GPC6: variants seen among roughly 807,000 people sequenced by gnomAD.
The protein encoded by GPC6 is glypican-6.
In GPC6, 14 loss-of-function variants were observed where a neutral mutation model predicts 55.2. The ratio of observed to expected loss-of-function variants is 0.25; its 90% CI spans 0.17 to 0.40. GPC6 has a LOEUF of 0.40. Ranked by LOEUF, GPC6 falls within the 10% of genes least tolerant of loss-of-function variation. The pLI is 1.00. For missense variants in GPC6, 641 were observed against 708.5 expected (o/e 0.90, Z 1.08); for synonymous variants, 278 against 259.6 (o/e 1.07, Z -0.68).
intron 3 of GPC6, among the ~76,000 whole-genome samples, chr13:93,949,405 T>C (rs1318628310): frequency 6.6e-6 from 1 of 152,188 alleles, no homozygotes; most frequent in Non-Finnish European, 1.5e-5. Context: ...TAATTATGGT[T>C]GATAGTCCAA....
At chr13:93,959,309 T>C (rs1011357159) in intron 3 of GPC6, among the ~76,000 whole-genome samples, 2 of 151,966 alleles carry the variant, frequency 1.3e-5, no homozygotes, top group African/African-American at 4.8e-5. Flanking sequence ...ATTACAGGCA[T>C]GCGCCACCAC....
At chr13:93,432,041 G>A (rs1263350950) in intron 1 of GPC6, among the ~76,000 whole-genome samples, 5 of 152,024 alleles carry the variant, frequency 3.3e-5, no homozygotes, top group Admixed American at 1.3e-4. Context: ...ATCTACATAC[G>A]TCACCAGATG....
chr13:93,644,867 C>T (rs1358133667), intron 2 of GPC6, among the ~76,000 whole-genome samples: 1 of 152,020 alleles, frequency 6.6e-6, no homozygotes, highest in African/African-American at 2.4e-5. Flanking sequence ...ATTAAGGAGT[C>T]TGGTGCAAAA....
chr13:94,393,258 GT>G (rs1379594504), intron 7 of GPC6, among the ~76,000 whole-genome samples: 1 of 152,088 alleles, frequency 6.6e-6, no homozygotes, highest in East Asian at 1.9e-4. Context: ...GGGGTCTGGG[GT>G]TGCAATCCAC....
At chr13:93,608,655 A>G (rs760367611) in intron 2 of GPC6, among the ~76,000 whole-genome samples, 9 of 152,176 alleles carry the variant, frequency 5.9e-5, no homozygotes, top group Non-Finnish European at 8.8e-5. Flanking sequence ...TTTTAAATAA[A>G]TAGTCCTAGA....
intron 1 of GPC6, among the ~76,000 whole-genome samples, chr13:93,410,698 A>C (rs1294370500): frequency 6.6e-6 from 1 of 152,210 alleles, no homozygotes; most frequent in Non-Finnish European, 1.5e-5. Flanking sequence ...ATGTGAAAGA[A>C]GAAGAAAAAT....
chr13:93,290,199 G>A (rs1461354194), intron 1 of GPC6, among the ~76,000 whole-genome samples: 4 of 152,130 alleles, frequency 2.6e-5, no homozygotes. Flanking sequence ...AATAAAGAAT[G>A]TTTGCCTGTG....
At chr13:94,242,521 T>A (rs1223803140) in intron 4 of GPC6, among the ~76,000 whole-genome samples, 1 of 152,058 alleles carries the variant, frequency 6.6e-6, no homozygotes, top group Non-Finnish European at 1.5e-5. Flanking sequence ...TAGACTGGAT[T>A]AAGAAAATGT....
chr13:94,254,146 T>G (rs1342921116), intron 4 of GPC6, among the ~76,000 whole-genome samples: 1 of 152,112 alleles, frequency 6.6e-6, no homozygotes, highest in Non-Finnish European at 1.5e-5. Flanking sequence ...GATTATAAAA[T>G]GTATCGAGTC....
At chr13:93,488,766 T>C (rs1233734135) in intron 1 of GPC6, among the ~76,000 whole-genome samples, 2 of 152,224 alleles carry the variant, frequency 1.3e-5, no homozygotes, top group African/African-American at 4.8e-5. Context: ...CATAAATATC[T>C]TCTTTTGAGA....
In GPC6 at chr13:94,405,690, C is replaced by T. The variant is rs988170324; in HGVS notation, c.*2473C>T. On this transcript the variant is annotated 3_prime_UTR_variant, in exon 9 of 9. Transcript: ENST00000377047. ...ATATAAACGCCTGCTTCATTTGTTTCAACACCTTCATTATCAATATGATTC... is the reference window on the plus strand; with the variant it reads ...ATATAAACGCCTGCTTCATTTGTTTTAACACCTTCATTATCAATATGATTC... The T allele has an allele frequency of 6.6e-6, 1 of 152,124 alleles. No homozygotes were observed. Among genetic ancestry groups the T allele is most frequent in the Admixed American group, 6.5e-5 (1 of 15,278 alleles). The allele number at this position is 152,124 out of a possible 1,614,324, so 9.4% of individuals were successfully genotyped here. A position where few individuals can be genotyped will look rare whatever the true frequency, so the allele number is the denominator to read the frequency against.
intron 3 of GPC6, among the ~76,000 whole-genome samples, chr13:93,902,538 C>T (rs2140328342): frequency 6.6e-6 from 1 of 152,212 alleles, no homozygotes; most frequent in African/African-American, 2.4e-5. Flanking sequence ...AGGTATCTCT[C>T]ACACTTATTG....
intron 1 of GPC6, among the ~76,000 whole-genome samples, chr13:93,313,144 G>A (rs1292056125): frequency 6.6e-6 from 1 of 152,130 alleles, no homozygotes; most frequent in Non-Finnish European, 1.5e-5. Flanking sequence ...TTATCTATTA[G>A]ATGCTCTTGT....
chr13:93,811,510 C>T (rs1366289103), intron 2 of GPC6, among the ~76,000 whole-genome samples: 1 of 151,948 alleles, frequency 6.6e-6, no homozygotes, highest in Non-Finnish European at 1.5e-5. Flanking sequence ...AGAAAATGTT[C>T]TTAGATTTGG....
At chr13:93,816,575 G>T (rs1594481843) in intron 2 of GPC6, among the ~76,000 whole-genome samples, 2 of 149,308 alleles carry the variant, frequency 1.3e-5, no homozygotes, top group African/African-American at 2.4e-5. Flanking sequence ...AGAATTATTA[G>T]ACAAAATACT....
At chr13:94,239,764 C>G (rs1400685173) in intron 4 of GPC6, among the ~76,000 whole-genome samples, 3 of 152,090 alleles carry the variant, frequency 2.0e-5, no homozygotes, top group African/African-American at 7.2e-5. Context: ...TTTAGGAATT[C>G]TATACAATAT....
At chr13:93,348,264 TC>T (rs1880496990) in intron 1 of GPC6, among the ~76,000 whole-genome samples, 1 of 152,180 alleles carries the variant, frequency 6.6e-6, no homozygotes. Flanking sequence ...TAATATACAG[TC>T]TCAACATCAT....
chr13:93,879,527 C>T (rs904757450), intron 3 of GPC6, among the ~76,000 whole-genome samples: 1 of 151,704 alleles, frequency 6.6e-6, no homozygotes, highest in Non-Finnish European at 1.5e-5. Flanking sequence ...AAAGCTGAAA[C>T]TGGATCCCTT....
chr13:94,294,550 G>C (rs1181429420), intron 5 of GPC6, among the ~76,000 whole-genome samples: 1 of 151,086 alleles, frequency 6.6e-6, no homozygotes, highest in Non-Finnish European at 1.5e-5. Flanking sequence ...TAATCTAAAT[G>C]TCCCCTACCA....
Sources: allele counts gnomAD v4.1 joint callset (sites outside exome capture counted in the v4.1 genomes callset), GRCh38; gene constraint gnomAD v4.1.1; transcripts MANE v1.5; gene names NCBI Gene and HGNC (gene_info 2026-07-23, HGNC 2026-07-21).